ADAMTSL1: variants seen among roughly 807,000 people sequenced by gnomAD.
ADAMTSL1 encodes the protein ADAMTS like 1.
ADAMTSL1 carries 126 observed loss-of-function variants against 201.8 expected under a neutral mutation model. That is an observed-to-expected ratio of 0.62 (90% CI 0.54 to 0.72). The LOEUF is 0.72. Ranked by LOEUF, ADAMTSL1 falls within the 30% of genes least tolerant of loss-of-function variation. The probability of loss-of-function intolerance (pLI) is 0.00; values close to 1 mark genes in which losing one functional copy is unlikely to be tolerated. For missense variants in ADAMTSL1, 2,679 were observed against 2,277.8 expected (o/e 1.18, Z -3.59); for synonymous variants, 1,121 against 903.4 (o/e 1.24, Z -4.32).
chr9:18,282,076 G>A (rs182766288), intron 2 of ADAMTSL1, among the ~76,000 whole-genome samples: 69 of 152,186 alleles, frequency 4.5e-4, no homozygotes, highest in African/African-American at 1.5e-3. Context: ...AGTGGACACC[G>A]TACCTAACGT....
In ADAMTSL1 at chr9:18,661,717, A is replaced by G. The variant is rs552138768; in HGVS notation, c.947-218A>G. Reference sequence around the variant, plus strand: ...CCTTAAGTAGTTCAAGCCTAATTATATAATGTAATTATTAAGATTTGAGTG... The same window carrying G: ...CCTTAAGTAGTTCAAGCCTAATTATGTAATGTAATTATTAAGATTTGAGTG... On this transcript the variant is annotated intron_variant, in intron 8 of 28. Transcript: ENST00000380548. 1.1e-3 allele frequency among the ~76,000 whole-genome samples: 174 copies of G among 152,336 alleles called. 1 individual carries two copies. Among genetic ancestry groups the G allele is most frequent in the African/African-American group, 4.0e-3 (166 of 41,576 alleles).
At chr9:18,052,146 A>G (rs116267339) in intron 1 of ADAMTSL1, among the ~76,000 whole-genome samples, 1,879 of 152,348 alleles carry the variant, frequency 0.012, 41 homozygotes, top group African/African-American at 0.043. Flanking sequence ...TCATACTTCT[A>G]TCAGTCAATG....
intron 2 of ADAMTSL1, among the ~76,000 whole-genome samples, chr9:18,394,400 T>C (rs192285336): frequency 6.6e-6 from 1 of 152,366 alleles, no homozygotes; most frequent in East Asian, 1.9e-4. Context: ...TGTCAGATGT[T>C]ATTTGTTGAA....
At chr9:18,688,689 A>AAAAAAAAAT (rs1554730404) in intron 13 of ADAMTSL1, among the ~76,000 whole-genome samples, 2 of 8,652 alleles carry the variant, frequency 2.3e-4, no homozygotes, top group African/African-American at 3.7e-4. Context: ...AAAAAAAAAA[A>AAAAAAAAAT]ATATATATAT....
At chr9:18,288,921 T>G (rs1027475585) in intron 2 of ADAMTSL1, among the ~76,000 whole-genome samples, 5 of 152,224 alleles carry the variant, frequency 3.3e-5, no homozygotes, top group African/African-American at 1.2e-4. Flanking sequence ...ATTGGCATTG[T>G]GAAACTGTAG....
Position 18,694,278 on chromosome 9 carries a change from A to T in ADAMTSL1, c.1574+9478A>T, listed in dbSNP as rs191316567. Among the ~76,000 whole-genome samples the T allele has an allele frequency of 1.6e-4, 25 of 152,130 alleles. No individual in the cohort carries two copies. In the East Asian group the frequency reaches 3.9e-3, roughly 24 times the overall value. The stretch of plus-strand genomic sequence containing the variant: ...ATCATCCTGCCCCTGGCCCCTCCCA[A>T]ATCTCATGCCCTTCTCATGTTGCAA... On this transcript the variant is annotated intron_variant, in intron 13 of 28. Coordinates refer to ENST00000380548, the MANE Select transcript of ADAMTSL1 (RefSeq NM_001040272.6).
At chr9:18,232,428 G>C (rs747072173) in intron 2 of ADAMTSL1, among the ~76,000 whole-genome samples, 1 of 151,910 alleles carries the variant, frequency 6.6e-6, no homozygotes, top group African/African-American at 2.4e-5. Context: ...TCCTTTCCTT[G>C]CTTTATGTTT....
chr9:18,276,657 A>G (rs928711070), intron 2 of ADAMTSL1, among the ~76,000 whole-genome samples: 25 of 152,212 alleles, frequency 1.6e-4, no homozygotes, highest in Non-Finnish European at 3.4e-4. Flanking sequence ...CAGGAAGCTT[A>G]CAATCAGGGC....
intron 2 of ADAMTSL1, among the ~76,000 whole-genome samples, chr9:18,365,058 T>A (rs1000983644): frequency 6.6e-6 from 1 of 152,102 alleles, no homozygotes; most frequent in Admixed American, 6.5e-5. Context: ...ATGACCCAGA[T>A]AATGTACCCT....
chr9:18,796,294 C>T lies in ADAMTSL1; in HGVS notation c.3805+770C>T, dbSNP rs371632497. Among the ~76,000 whole-genome samples the T allele has an allele frequency of 5.5e-4, 84 of 152,254 alleles. No individual in the cohort carries two copies. The South Asian group carries it at 0.015, about 28-fold the overall frequency. On this transcript the variant is annotated intron_variant, in intron 20 of 28. Transcript: ENST00000380548. ...GGTCACACAGCTGCTCTGCTAGTGG[C>T]GGGGGAAGAAGGGAACTGGAGTCTC...
intron 1 of ADAMTSL1, among the ~76,000 whole-genome samples, chr9:18,073,321 A>G (rs964743378): frequency 1.3e-5 from 2 of 152,204 alleles, no homozygotes; most frequent in African/African-American, 4.8e-5. Context: ...CCTAATGAAG[A>G]TCCACATCTC....
At chr9:18,433,081 C>T (rs535179185) in intron 2 of ADAMTSL1, among the ~76,000 whole-genome samples, 2 of 152,128 alleles carry the variant, frequency 1.3e-5, no homozygotes, top group South Asian at 4.1e-4. Context: ...AACAAAACCT[C>T]CTGTTTGTTT....
intron 3 of ADAMTSL1, among the ~76,000 whole-genome samples, chr9:18,536,631 G>C (rs1819793080): frequency 6.6e-6 from 1 of 152,126 alleles, no homozygotes; most frequent in Admixed American, 6.5e-5. Flanking sequence ...CCTAAGGACA[G>C]AGTTTATCTA....
At chr9:18,330,742 G>A (rs1310589974) in intron 2 of ADAMTSL1, among the ~76,000 whole-genome samples, 1 of 152,148 alleles carries the variant, frequency 6.6e-6, no homozygotes, top group Non-Finnish European at 1.5e-5. Flanking sequence ...ACAAATATGA[G>A]TTATAAAGAA....
chr9:18,788,018 A>T (rs980823398), intron 19 of ADAMTSL1, among the ~76,000 whole-genome samples: 7 of 152,238 alleles, frequency 4.6e-5, no homozygotes, highest in Non-Finnish European at 7.3e-5. Context: ...GGCCTTTCCC[A>T]TTCCTAAAAT....
intron 23 of ADAMTSL1, among the ~76,000 whole-genome samples, chr9:18,842,817 GTTGGT>G (rs1195975641): frequency 1.3e-5 from 2 of 151,996 alleles, no homozygotes; most frequent in African/African-American, 4.8e-5. Flanking sequence ...TTTGATCTTT[GTTGGT>G]TTGAAGTCTG....
intron 2 of ADAMTSL1, among the ~76,000 whole-genome samples, chr9:18,317,576 T>C (rs1451528428): frequency 6.6e-6 from 1 of 152,190 alleles, no homozygotes; most frequent in Non-Finnish European, 1.5e-5. Flanking sequence ...CTCAGGAAAG[T>C]TGGGGCAGGG....
chr9:18,154,250 G>C (rs538567835), intron 1 of ADAMTSL1, among the ~76,000 whole-genome samples: 1 of 151,966 alleles, frequency 6.6e-6, no homozygotes, highest in African/African-American at 2.4e-5. Flanking sequence ...CAACCCAAAC[G>C]TAGTGGTTTA....
intron 4 of ADAMTSL1, among the ~76,000 whole-genome samples, chr9:18,574,875 G>C (rs1822609246): frequency 6.6e-6 from 1 of 152,134 alleles, no homozygotes; most frequent in Admixed American, 6.5e-5. Context: ...TCTAGGTAGG[G>C]AATTAGTAAG....
Sources: allele counts gnomAD v4.1 joint callset (sites outside exome capture counted in the v4.1 genomes callset), GRCh38; gene constraint gnomAD v4.1.1; transcripts MANE v1.5; gene names NCBI Gene and HGNC (gene_info 2026-07-23, HGNC 2026-07-21).